Variants in CSMD1 observed in about 807,000 individuals in gnomAD.
The protein encoded by CSMD1 is CUB and sushi domain-containing protein 1.
In CSMD1, 213 loss-of-function variants were observed where a neutral mutation model predicts 417.5. That is an observed-to-expected ratio of 0.51 (90% CI 0.46 to 0.57). CSMD1 has a LOEUF of 0.57. CSMD1 is among the 20% of genes least tolerant of loss of function. CSMD1 has a pLI of 0.00. For missense variants in CSMD1, 6,923 were observed against 4,529.7 expected (o/e 1.53, Z -15.17); for synonymous variants, 2,862 against 1,736.8 (o/e 1.65, Z -16.11).
chr8:4,686,225 G>T (rs1806379691), intron 1 of CSMD1, among the ~76,000 whole-genome samples: 1 of 152,190 alleles, frequency 6.6e-6, no homozygotes, highest in Non-Finnish European at 1.5e-5. Context: ...TTCTTTCGGA[G>T]CTGTCTTGGA....
At chr8:4,511,750 G>A (rs1802833367) in intron 2 of CSMD1, among the ~76,000 whole-genome samples, 1 of 152,108 alleles carries the variant, frequency 6.6e-6, no homozygotes, top group Admixed American at 6.5e-5. Flanking sequence ...CAGTCATTAG[G>A]GGGCCCATTC....
At chr8:4,964,900 G>A (rs370009651) in intron 1 of CSMD1, among the ~76,000 whole-genome samples, 1 of 152,170 alleles carries the variant, frequency 6.6e-6, no homozygotes, top group South Asian at 2.1e-4. Flanking sequence ...GGAGTTTGGG[G>A]AGCAGGATTT....
At chr8:3,620,132 G>A (rs779523229) in intron 7 of CSMD1, among the ~76,000 whole-genome samples, 5 of 151,980 alleles carry the variant, frequency 3.3e-5, no homozygotes, top group Admixed American at 6.6e-5. Flanking sequence ...GAAAAGAAAA[G>A]CAATGGATAA....
Position 3,857,040 on chromosome 8 carries a change from G to T in CSMD1, c.819-102998C>A, listed in dbSNP as rs548917403. ...GCAATGATTAGAAATATATATCGAGGGCTTCTTGTATATCCCACACTTACT... is the reference window on the plus strand; with the variant it reads ...GCAATGATTAGAAATATATATCGAGTGCTTCTTGTATATCCCACACTTACT... On this transcript the variant is annotated intron_variant, in intron 5 of 69. Coordinates refer to ENST00000635120, the MANE Select transcript of CSMD1 (RefSeq NM_033225.6). Among the ~76,000 whole-genome samples, 6 of 152,028 alleles carry T rather than the reference G, an allele frequency of 3.9e-5. No individual in the cohort carries two copies. The East Asian group carries it at 1.2e-3, about 29-fold the overall frequency.
intron 1 of CSMD1, among the ~76,000 whole-genome samples, chr8:4,992,405 C>G (rs1448652284): frequency 1.3e-5 from 2 of 152,222 alleles, no homozygotes; most frequent in Non-Finnish European, 2.9e-5. Flanking sequence ...CTCGAGGGAA[C>G]CGAGAGTGAG....
intron 3 of CSMD1, among the ~76,000 whole-genome samples, chr8:4,306,555 A>G (rs192939386): frequency 6.6e-6 from 1 of 152,138 alleles, no homozygotes; most frequent in African/African-American, 2.4e-5. Flanking sequence ...TTCCTTATGC[A>G]AAAAAACAGC....
intron 3 of CSMD1, among the ~76,000 whole-genome samples, chr8:4,408,718 T>A (rs978216483): frequency 3.3e-5 from 5 of 152,154 alleles, no homozygotes; most frequent in African/African-American, 9.7e-5. Flanking sequence ...GCTCTCAGAA[T>A]ATGAACCTTG....
chr8:4,339,505 T>A (rs1800357026), intron 3 of CSMD1, among the ~76,000 whole-genome samples: 1 of 152,076 alleles, frequency 6.6e-6, no homozygotes, highest in Admixed American at 6.6e-5. Context: ...AGAGTTTAAA[T>A]TTATAAGACT....
At chr8:3,912,940 GGT>G (rs892742166) in intron 5 of CSMD1, among the ~76,000 whole-genome samples, 7 of 152,150 alleles carry the variant, frequency 4.6e-5, no homozygotes, top group Non-Finnish European at 7.3e-5. Flanking sequence ...GAGAACACAG[GGT>G]GTGAACATGG....
intron 3 of CSMD1, among the ~76,000 whole-genome samples, chr8:4,156,913 G>C (rs989078879): frequency 6.6e-6 from 1 of 152,034 alleles, no homozygotes; most frequent in South Asian, 2.1e-4. Flanking sequence ...TTACCTCTCC[G>C]GACATTTGTG....
chr8:3,749,813 G>A (rs553518604), intron 6 of CSMD1, among the ~76,000 whole-genome samples: 2 of 151,634 alleles, frequency 1.3e-5, no homozygotes, highest in African/African-American at 2.4e-5. Flanking sequence ...TTCCATGTTT[G>A]TTTATTACTT....
intron 3 of CSMD1, among the ~76,000 whole-genome samples, chr8:4,317,064 G>A (rs1022297545): frequency 6.6e-6 from 1 of 152,134 alleles, no homozygotes; most frequent in Non-Finnish European, 1.5e-5. Flanking sequence ...AAGCCCTGTG[G>A]AATTAATCAG....
chr8:3,897,070 A>C (rs551236384), intron 5 of CSMD1, among the ~76,000 whole-genome samples: 60 of 152,206 alleles, frequency 3.9e-4, no homozygotes, highest in African/African-American at 1.3e-3. Flanking sequence ...ATTGTACTGG[A>C]AGTTTCCGAA....
intron 6 of CSMD1, among the ~76,000 whole-genome samples, chr8:3,728,710 G>T (rs17067180): frequency 2.6e-5 from 4 of 152,102 alleles, no homozygotes; most frequent in African/African-American, 7.2e-5. Flanking sequence ...TGCAAATGAT[G>T]CAAGTTAAAA....
chr8:3,425,398 G>A (rs1423540323), intron 12 of CSMD1, among the ~76,000 whole-genome samples: 7 of 151,864 alleles, frequency 4.6e-5, no homozygotes, highest in African/African-American at 1.5e-4. Flanking sequence ...GACCATCGTG[G>A]CCAACATGGT....
intron 3 of CSMD1, among the ~76,000 whole-genome samples, chr8:4,051,792 G>A (rs551618270): frequency 6.6e-6 from 1 of 152,128 alleles, no homozygotes; most frequent in Non-Finnish European, 1.5e-5. Context: ...AGGTGTGATG[G>A]ACACCATACA....
chr8:3,999,007 T>G (rs186687958), intron 4 of CSMD1, among the ~76,000 whole-genome samples: 1 of 148,564 alleles, frequency 6.7e-6, no homozygotes, highest in African/African-American at 2.4e-5. Flanking sequence ...TATATATAAA[T>G]AACATATAAA....
At chr8:4,442,313 CAAAGTAT>C (rs1206594499) in intron 2 of CSMD1, among the ~76,000 whole-genome samples, 3 of 152,164 alleles carry the variant, frequency 2.0e-5, no homozygotes, top group African/African-American at 4.8e-5. Flanking sequence ...GAAATGAACA[CAAAGTAT>C]AAAGTAGAAG....
intron 41 of CSMD1, among the ~76,000 whole-genome samples, chr8:3,139,389 G>C (rs745860427): frequency 3.9e-5 from 6 of 152,160 alleles, no homozygotes; most frequent in Non-Finnish European, 7.3e-5. Flanking sequence ...GAATAACCCA[G>C]AGATTTTCTG....
Sources: gnomAD v4.1 joint callset for allele counts (sites outside exome capture counted in the v4.1 genomes callset) on GRCh38, gnomAD v4.1.1 for gene constraint, MANE v1.5 for transcripts, NCBI Gene and HGNC (gene_info 2026-07-23, HGNC 2026-07-21) for gene names.